Variants in TNR observed in about 807,000 individuals in gnomAD.
TNR encodes the protein tenascin R.
A neutral mutation model predicts 150.4 loss-of-function variants in TNR; 45 were observed. The ratio of observed to expected loss-of-function variants is 0.30; its 90% CI spans 0.24 to 0.38. The LOEUF (loss-of-function observed/expected upper bound fraction) is 0.38. Among genes scored for constraint, TNR ranks in the 10% least tolerant of loss-of-function variants. TNR has a pLI of 1.00. For missense variants in TNR, 1,544 were observed against 1,759.1 expected (o/e 0.88, Z 2.19); for synonymous variants, 687 against 678.4 (o/e 1.01, Z -0.20).
intron 1 of TNR, among the ~76,000 whole-genome samples, chr1:175,685,821 TG>T (rs1388934737): frequency 1.3e-5 from 2 of 150,406 alleles, no homozygotes; most frequent in African/African-American, 4.9e-5. Context: ...ATTTGCCTTT[TG>T]TTCCTTTTTT....
chr1:175,363,321 G>T (rs757326153), intron 13 of TNR, among the ~76,000 whole-genome samples: 1 of 152,178 alleles, frequency 6.6e-6, no homozygotes, highest in Non-Finnish European at 1.5e-5. Flanking sequence ...TCCCTCCAAG[G>T]CTCCATCTGG....
chr1:175,695,064 TC>T (rs1244767787), intron 1 of TNR, among the ~76,000 whole-genome samples: 1 of 152,196 alleles, frequency 6.6e-6, no homozygotes, highest in Non-Finnish European at 1.5e-5. Context: ...CTGATTCTTC[TC>T]CCCTTGGGTG....
intron 1 of TNR, among the ~76,000 whole-genome samples, chr1:175,708,798 T>C (rs969699590): frequency 6.6e-6 from 1 of 152,154 alleles, no homozygotes; most frequent in Non-Finnish European, 1.5e-5. Context: ...TCTGAGTCCA[T>C]TTTGGAAGAA....
At chr1:175,579,795 A>G (rs1427527835) in intron 1 of TNR, among the ~76,000 whole-genome samples, 1 of 152,014 alleles carries the variant, frequency 6.6e-6, no homozygotes, top group African/African-American at 2.4e-5. Context: ...TCTTTCCCAT[A>G]GTCCTTCCCT....
chr1:175,741,934 CAGTT>C (rs1249516505), intron 1 of TNR, among the ~76,000 whole-genome samples: 1 of 152,174 alleles, frequency 6.6e-6, no homozygotes, highest in African/African-American at 2.4e-5. Context: ...GAACCATAAA[CAGTT>C]AGGGGTTAAA....
intron 2 of TNR, among the ~76,000 whole-genome samples, chr1:175,438,491 C>A (rs1219744352): frequency 6.6e-6 from 1 of 152,156 alleles, no homozygotes; most frequent in Non-Finnish European, 1.5e-5. Flanking sequence ...CCCTCTCTCA[C>A]CACTCCTATT....
chr1:175,368,218 G>A (rs1219017070), intron 9 of TNR, among the ~76,000 whole-genome samples: 3 of 152,228 alleles, frequency 2.0e-5, no homozygotes, highest in African/African-American at 7.2e-5. Flanking sequence ...AGTTCAGGAG[G>A]TCTGCAGTCT....
chr1:175,422,766 C>A (rs1049777015), intron 2 of TNR, among the ~76,000 whole-genome samples: 4 of 152,252 alleles, frequency 2.6e-5, no homozygotes, highest in African/African-American at 9.6e-5. Flanking sequence ...TCTTTCCCTG[C>A]CACATGTCCA....
At chr1:175,737,416 A>C (rs1022437361) in intron 1 of TNR, among the ~76,000 whole-genome samples, 9 of 152,216 alleles carry the variant, frequency 5.9e-5, no homozygotes, top group Non-Finnish European at 1.5e-5. Context: ...CACTTGGCCA[A>C]AGTTTATAGT....
chr1:175,485,610 C>A (rs12757764), intron 2 of TNR, among the ~76,000 whole-genome samples: 5 of 151,978 alleles, frequency 3.3e-5, no homozygotes, highest in African/African-American at 1.2e-4. Flanking sequence ...TCACTCCCAG[C>A]TTTTCCTGCC....
intron 1 of TNR, among the ~76,000 whole-genome samples, chr1:175,713,660 C>T (rs574168590): frequency 1.3e-5 from 2 of 152,286 alleles, no homozygotes; most frequent in South Asian, 4.1e-4. Flanking sequence ...CATTAAGCCA[C>T]CAAACCAGCT....
At chr1:175,487,205 A>G (rs1658053321) in intron 2 of TNR, among the ~76,000 whole-genome samples, 1 of 152,012 alleles carries the variant, frequency 6.6e-6, no homozygotes, top group Non-Finnish European at 1.5e-5. Flanking sequence ...TCTTATAAGG[A>G]GCATGCAACC....
rs527793016 is a variant in TNR, at chr1:175,702,707, C to T, written c.-165+40519G>A. Among the ~76,000 whole-genome samples the T allele has an allele frequency of 1.8e-4, 28 of 152,146 alleles. 1 individual carries two copies. Among genetic ancestry groups the T allele is most frequent in the Admixed American group, 9.8e-4 (15 of 15,272 alleles). Reference sequence around the variant, plus strand: ...TGGCAGTGTCTGCACTACAGTGACACGAGATTTGGGGTTAGATGTGGGTGC... The same window carrying T: ...TGGCAGTGTCTGCACTACAGTGACATGAGATTTGGGGTTAGATGTGGGTGC... On this transcript the variant is annotated intron_variant, in intron 1 of 22. Coordinates refer to ENST00000367674, the MANE Select transcript of TNR (RefSeq NM_003285.3).
chr1:175,485,205 T>C (rs1005365011), intron 2 of TNR, among the ~76,000 whole-genome samples: 19 of 152,328 alleles, frequency 1.2e-4, no homozygotes, highest in African/African-American at 3.8e-4. Context: ...CCCAGTCTGC[T>C]GGCCAACCAA....
At chr1:175,633,669 G>A (rs920906563) in intron 1 of TNR, among the ~76,000 whole-genome samples, 1 of 152,256 alleles carries the variant, frequency 6.6e-6, no homozygotes, top group Non-Finnish European at 1.5e-5. Flanking sequence ...TGGCCTCTTA[G>A]TACATTCCAT....
rs150871255 is a variant in TNR at position 175,452,485 on chromosome 1, G to A, written c.-63-45708C>T. Among the ~76,000 whole-genome samples, 533 of 152,370 alleles carry A rather than the reference G, an allele frequency of 3.5e-3. 5 individuals carry two copies. Among genetic ancestry groups the A allele is most frequent in the African/African-American group, 0.012 (513 of 41,590 alleles). ...GGAGGAGGGATTTCAGCAGAGACCT[G>A]GATGGAGAGAAGGAGCTGGCCACAC... On this transcript the variant is annotated intron_variant, in intron 2 of 22. Transcript: ENST00000367674.
intron 2 of TNR, among the ~76,000 whole-genome samples, chr1:175,435,776 C>A (rs922582832): frequency 1.3e-5 from 2 of 152,090 alleles, no homozygotes; most frequent in Non-Finnish European, 2.9e-5. Flanking sequence ...TGGCTGGTAC[C>A]GGTTGTTCCT....
chr1:175,443,923 C>T (rs1485877105), intron 2 of TNR, among the ~76,000 whole-genome samples: 2 of 152,140 alleles, frequency 1.3e-5, no homozygotes, highest in Admixed American at 1.3e-4. Flanking sequence ...GGTAGAAGAT[C>T]TGCAGAGGAA....
chr1:175,560,747 TG>T (rs141072731), intron 1 of TNR, among the ~76,000 whole-genome samples: 13,951 of 152,292 alleles, frequency 0.092, 689 homozygotes, highest in Middle Eastern at 0.14. Flanking sequence ...TCTAGTCTTT[TG>T]GTATCTTTCC....
Sources: gnomAD v4.1 joint callset for allele counts (sites outside exome capture counted in the v4.1 genomes callset) on GRCh38, gnomAD v4.1.1 for gene constraint, MANE v1.5 for transcripts, NCBI Gene and HGNC (gene_info 2026-07-23, HGNC 2026-07-21) for gene names.